The following KLHL38 variants were observed in gnomAD, a reference collection of about 807,000 sequenced individuals.
The protein encoded by KLHL38 is kelch like family member 38.
Under a neutral mutation model 39.6 loss-of-function variants are expected in KLHL38, and 38 were observed. That is an observed-to-expected ratio of 0.96 (90% CI 0.74 to 1.26). The LOEUF is 1.26. Among genes scored for constraint, KLHL38 ranks in the 50% most tolerant of loss-of-function variants. The pLI is 0.00. For synonymous variants in KLHL38, 322 were observed against 302.2 expected, an observed-to-expected ratio of 1.07 and a Z score of -0.68; for missense variants, 803 against 748.1, an observed-to-expected ratio of 1.07 and a Z score of -0.86.
rs780177938 is a variant in KLHL38, at chr8:123,651,928, G to A, written c.999C>T (p.Ser333=). ...YKASAITLHR[S]IYVLGGMAVS... The stretch of plus-strand genomic sequence containing the variant: ...CAGCCATGCCCCCCAGCACATAGAT[G>A]CTGCGGTGCAAGGTGATGGCAGAGG... The change falls in exon 2 of 4, where the codon AGC becomes AGT. Residue 333 remains serine, a synonymous_variant. Transcript: ENST00000684634. 1.1e-5 allele frequency: 18 copies of A among 1,614,220 alleles called. 1 individual carries two copies. In the South Asian group the frequency reaches 1.2e-4, roughly 11 times the overall value.
In KLHL38 at chr8:123,645,449, AAG is replaced by A. The variant is rs374414250; in HGVS notation, c.*288_*289del. ...GAAACTCCATCTCAAAAAAAAGAAAAAGAGAGAGAGAGAGAGAGAGAGAGAGA... is the reference window on the plus strand; with the variant it reads ...GAAACTCCATCTCAAAAAAAAGAAAAAGAGAGAGAGAGAGAGAGAGAGAGA... On this transcript the variant is annotated 3_prime_UTR_variant, in exon 4 of 4. Coordinates refer to ENST00000684634, the MANE Select transcript of KLHL38 (RefSeq NM_001081675.3). 26,359 of 310,006 alleles carry A rather than the reference AAG, an allele frequency of 0.085. 8 individuals are homozygous for A. The highest frequency in any genetic ancestry group is 0.1 in the Middle Eastern group (111 of 1,092). 19.2% of individuals were successfully genotyped at this position (310,006 alleles called of 1,614,324 possible). A position where few individuals can be genotyped will look rare whatever the true frequency, so the allele number is the denominator to read the frequency against.
chr8:123,651,694 C>G lies in KLHL38; in HGVS notation c.1233G>C (p.Trp411Cys). 1 of 1,614,196 alleles carries G rather than the reference C, an allele frequency of 6.2e-7. No homozygotes were observed. The highest frequency in any genetic ancestry group is 8.5e-7 in the Non-Finnish European group (1 of 1,180,032). Residue 411 changes from tryptophan (W) to cysteine (C), a missense_variant, in exon 2 of 4, where the codon TGG becomes TGC. Physicochemically the swap from Trp to Cys is radical, Grantham distance 215. Transcript: ENST00000684634. ...MERYDSICNVWESMASMPVGV... is the reference protein window; with the variant it reads ...MERYDSICNVCESMASMPVGV... Reference sequence around the variant, plus strand: ...CCACGGGCATGCTGGCCATACTCTCCCAGACATTGCAGATGCTGTCATACC... The same window carrying G: ...CCACGGGCATGCTGGCCATACTCTCGCAGACATTGCAGATGCTGTCATACC...
rs374414250 is a variant in KLHL38 at position 123,645,449 on chromosome 8, AAGAGAGAGAGAGAG to A, written c.*276_*289del. The A allele has an allele frequency of 9.2e-6, 3 of 325,266 alleles. No homozygotes were observed. Among genetic ancestry groups the A allele is most frequent in the African/African-American group, 2.5e-5 (1 of 40,098 alleles). 20.1% of individuals were successfully genotyped at this position (325,266 alleles called of 1,614,324 possible). On this transcript the variant is annotated 3_prime_UTR_variant, in exon 4 of 4. Transcript: ENST00000684634. ...GAAACTCCATCTCAAAAAAAAGAAAAAGAGAGAGAGAGAGAGAGAGAGAGAGAGAGACAGACAGA... is the reference window on the plus strand; with the variant it reads ...GAAACTCCATCTCAAAAAAAAGAAAAAGAGAGAGAGAGAGAGACAGACAGA...
In KLHL38 at chr8:123,652,385, C is replaced by T. The variant is rs749166635; in HGVS notation, c.542G>A (p.Arg181Lys). ...GAGCCCATCATCTCCGAGATAGTCC[C>T]TCAACTCCAAGGCACAGAGCTCCTT... is the stretch of plus-strand genomic sequence containing the variant. The part of the protein sequence containing the change: ...DLKELCALEL[R>K]DYLGDDGLCG... Residue 181 changes from arginine (R) to lysine (K), a missense_variant, in exon 2 of 4, where the codon AGG becomes AAG. Transcript: ENST00000684634. 1 of 1,613,956 alleles carries T rather than the reference C, an allele frequency of 6.2e-7. No homozygotes were observed. The highest frequency in any genetic ancestry group is 1.3e-5 in the African/African-American group (1 of 74,940).
chr8:123,652,902 G>T lies in KLHL38; in HGVS notation c.25C>A (p.Leu9Met). 1 of 1,598,940 alleles carries T rather than the reference G, an allele frequency of 6.3e-7. No individual in the cohort carries two copies. The highest frequency in any genetic ancestry group is 8.5e-7 in the Non-Finnish European group (1 of 1,178,818). The change falls in exon 2 of 4, where the codon CTG (leucine) becomes ATG (methionine). Residue 9 changes from leucine to methionine, a missense_variant. Coordinates refer to ENST00000684634, the MANE Select transcript of KLHL38 (RefSeq NM_001081675.3). ...GAGAAGTCGTGGTCTTTGAAGAGCA[G>T]CCCATCTAGTGACTCCTCGTCCATC... is the stretch of plus-strand genomic sequence containing the variant. MDEESLDG[L>M]LFKDHDFSSD...
At chr8:123,646,151 A>C in intron 3 of KLHL38, 123 bp from the exon 4 acceptor site, 1 of 900,512 alleles carries the variant, frequency 1.1e-6, no homozygotes, top group Non-Finnish European at 1.7e-6. Context: ...CTGAACTAGC[A>C]CGTGGGATGT....
intron 2 of KLHL38, among the ~76,000 whole-genome samples, chr8:123,648,736 C>A (rs533291141): frequency 6.6e-6 from 1 of 152,232 alleles, no homozygotes; most frequent in East Asian, 1.9e-4. Flanking sequence ...TTAATGCCAT[C>A]CAGAAACAGG....
At position 123,645,805 on chromosome 8, in the gene KLHL38, C is replaced by T. The variant is rs144109404; in HGVS notation, c.1680G>A (p.Pro560=). The change falls in exon 4 of 4, where the codon CCG becomes CCA. Residue 560 remains proline, a synonymous_variant. Transcript: ENST00000684634. ...GGCAGGCATGGTCAAAGAGCTTGTG[C>T]GGCAGCTGTCCCTGGGATGTCCAGG... The part of the protein sequence containing the change: ...TDTWTSQGQL[P]HKLFDHACLT... 5,433 of 1,613,090 alleles carry T rather than the reference C, an allele frequency of 3.4e-3. 14 individuals are homozygous for T. Among genetic ancestry groups the T allele is most frequent in the Non-Finnish European group, 3.9e-3 (4,554 of 1,179,860 alleles).
At position 123,651,943 on chromosome 8, in the gene KLHL38, G is replaced by A; in HGVS notation, c.984C>T (p.Ile328=). ...LPTRLYKASA[I]TLHRSIYVLG... ...GCACATAGATGCTGCGGTGCAAGGT[G>A]ATGGCAGAGGCCTTGTACAGCCGTG... The change falls in exon 2 of 4, where the codon ATC becomes ATT. Residue 328 remains isoleucine (I), a synonymous_variant. Transcript: ENST00000684634. 1 of 1,614,268 alleles carries A rather than the reference G, an allele frequency of 6.2e-7. No individual in the cohort carries two copies. The highest frequency in any genetic ancestry group is 1.1e-5 in the South Asian group (1 of 91,088).
chr8:123,647,090 G>C (rs1818676929), intron 2 of KLHL38, 76 bp from the exon 3 acceptor site: 1 of 795,630 alleles, frequency 1.3e-6, no homozygotes, highest in African/African-American at 1.7e-5. Context: ...TAGTAATTAC[G>C]AGGGTGAACT....
At position 123,652,408 on chromosome 8, in the gene KLHL38, C is replaced by T. The variant is rs1563593956; in HGVS notation, c.519G>A (p.Lys173=). The T allele has an allele frequency of 6.2e-7, 1 of 1,614,028 alleles. No individual in the cohort carries two copies. Among genetic ancestry groups the T allele is most frequent in the Non-Finnish European group, 8.5e-7 (1 of 1,180,052 alleles). The change falls in exon 2 of 4, where the codon AAG becomes AAA. Residue 173 remains lysine, a synonymous_variant. Coordinates refer to ENST00000684634, the MANE Select transcript of KLHL38 (RefSeq NM_001081675.3). Reference sequence around the variant, plus strand: ...CCCTCAACTCCAAGGCACAGAGCTCCTTCAGGTCGGCCGATGCGGCCACCT... The same window carrying T: ...CCCTCAACTCCAAGGCACAGAGCTCTTTCAGGTCGGCCGATGCGGCCACCT... The part of the protein sequence containing the change: ...FPEVAASADL[K]ELCALELRDY...
chr8:123,651,971 G>C lies in KLHL38; in HGVS notation c.956C>G (p.Pro319Arg), dbSNP rs772515615. The change falls in exon 2 of 4, where the codon CCG becomes CGG. Residue 319 changes from proline to arginine, a missense_variant. Pro to Arg is a moderately radical substitution (Grantham distance 103). Transcript: ENST00000684634. ...GGCAGAGGCCTTGTACAGCCGTGTC[G>C]GGAGTTTGGCAAGGCTCTGCCATTG... ...TGQWQSLAKL[P>R]TRLYKASAIT... 1 of 1,614,222 alleles carries C rather than the reference G, an allele frequency of 6.2e-7. No individual in the cohort carries two copies. Among genetic ancestry groups the C allele is most frequent in the Non-Finnish European group, 8.5e-7 (1 of 1,180,038 alleles).
Position 123,651,756 on chromosome 8 carries a change from T to TC in KLHL38, c.1170dup (p.Ile391AspfsTer15). 1 of 1,614,006 alleles carries TC rather than the reference T, an allele frequency of 6.2e-7. No individual in the cohort carries two copies. The highest frequency in any genetic ancestry group is 1.6e-4 in the Middle Eastern group (1 of 6,062). On this transcript the variant is annotated frameshift_variant, in exon 2 of 4. Coordinates refer to ENST00000684634, the MANE Select transcript of KLHL38 (RefSeq NM_001081675.3). LOFTEE classifies it high-confidence loss of function. ...CCCATGAGCTCCTGCCCTTCTCCAATCCCCCCGATGGAGAAGATGAAGTTC... is the reference window on the plus strand; with the variant it reads ...CCCATGAGCTCCTGCCCTTCTCCAATCCCCCCCGATGGAGAAGATGAAGTTC...
rs1250783040 is a variant in KLHL38 at position 123,651,720 on chromosome 8, T to C, written c.1207A>G (p.Arg403Gly). The change falls in exon 2 of 4, where the codon AGG becomes GGG. Residue 403 changes from arginine (R) to glycine (G), a missense_variant. By Grantham distance (125) the Arg-to-Gly change is moderately radical. Transcript: ENST00000684634. ...EGQELMGSMERYDSICNVWES... is the reference protein window; with the variant it reads ...EGQELMGSMEGYDSICNVWES... The stretch of plus-strand genomic sequence containing the variant: ...CAGACATTGCAGATGCTGTCATACC[T>C]TTCCATGGAGCCCATGAGCTCCTGC... 1 of 1,614,200 alleles carries C rather than the reference T, an allele frequency of 6.2e-7. No individual in the cohort carries two copies. The highest frequency in any genetic ancestry group is 8.5e-7 in the Non-Finnish European group (1 of 1,180,024).
Position 123,651,990 on chromosome 8 carries a change from G to A in KLHL38, c.937C>T (p.Gln313Ter). The change falls in exon 2 of 4, where the codon CAG becomes TAG. Residue 313 changes from glutamine (Q) to a stop codon, truncating the protein, a stop_gained. Transcript: ENST00000684634. LOFTEE classifies it high-confidence loss of function. ...CGTGTCGGGAGTTTGGCAAGGCTCTGCCATTGGCCGGTCTGTTTGCTGTAC... is the reference window on the plus strand; with the variant it reads ...CGTGTCGGGAGTTTGGCAAGGCTCTACCATTGGCCGGTCTGTTTGCTGTAC... ...LLYSKQTGQW[Q>*]SLAKLPTRLY... 1 of 1,614,266 alleles carries A rather than the reference G, an allele frequency of 6.2e-7. No homozygotes were observed. The highest frequency in any genetic ancestry group is 8.5e-7 in the Non-Finnish European group (1 of 1,180,048).
intron 2 of KLHL38, among the ~76,000 whole-genome samples, chr8:123,649,379 GA>G (rs1208460763): frequency 2.0e-5 from 3 of 152,006 alleles, no homozygotes; most frequent in African/African-American, 7.2e-5. Context: ...GGGAGGAGCT[GA>G]AAATAATGGC....
chr8:123,645,492 AG>A lies in KLHL38; in HGVS notation c.*246del. 1.8e-6 allele frequency: 1 copy of A among 543,000 alleles called. No homozygotes were observed. Among genetic ancestry groups the A allele is most frequent in the Non-Finnish European group, 3.3e-6 (1 of 305,052 alleles). 33.6% of individuals were successfully genotyped at this position (543,000 alleles called of 1,614,324 possible). On this transcript the variant is annotated 3_prime_UTR_variant, in exon 4 of 4. Transcript: ENST00000684634. ...GAGAGAGAGAGAGACAGACAGAGAT[AG>A]GGGAGAGAAAGAAAGAAGGGGGAAA...
chr8:123,651,802 G>T lies in KLHL38; in HGVS notation c.1125C>A (p.Ser375=), dbSNP rs562157240. The change falls in exon 2 of 4, where the codon TCC becomes TCA. Residue 375 remains serine (S), a synonymous_variant. Transcript: ENST00000684634. The stretch of plus-strand genomic sequence containing the variant: ...AGTTCTTATGGGCAGTGCTTCTGTG[G>T]GAGTAGCGGGCCACCAGCATGGGCT... ...LGEPMLVARY[S]HRSTAHKNFI... The T allele has an allele frequency of 1.9e-5, 30 of 1,614,150 alleles. No homozygotes were observed. The East Asian group carries it at 6.0e-4, about 32-fold the overall frequency.
In KLHL38 at chr8:123,651,691, C is replaced by A. The variant is rs202094935; in HGVS notation, c.1236G>T (p.Glu412Asp). The change falls in exon 2 of 4, where the codon GAG (glutamate) becomes GAT (aspartate). Residue 412 changes from glutamate to aspartate, a missense_variant. Coordinates refer to ENST00000684634, the MANE Select transcript of KLHL38 (RefSeq NM_001081675.3). Reference sequence around the variant, plus strand: ...CCCCCACGGGCATGCTGGCCATACTCTCCCAGACATTGCAGATGCTGTCAT... The same window carrying A: ...CCCCCACGGGCATGCTGGCCATACTATCCCAGACATTGCAGATGCTGTCAT... ...ERYDSICNVW[E>D]SMASMPVGVL... 3.7e-4 allele frequency: 601 copies of A among 1,614,082 alleles called. 1 individual carries two copies. Among genetic ancestry groups the A allele is most frequent in the Non-Finnish European group, 4.6e-4 (542 of 1,180,036 alleles).
Sources: allele counts gnomAD v4.1 joint callset (sites outside exome capture counted in the v4.1 genomes callset), GRCh38; gene constraint gnomAD v4.1.1; transcripts MANE v1.5; gene names NCBI Gene and HGNC (gene_info 2026-07-23, HGNC 2026-07-21).